Variants in PRKN observed in about 807,000 individuals in gnomAD.
PRKN encodes E3 ubiquitin-protein ligase parkin.
PRKN carries 56 observed loss-of-function variants against 59.5 expected under a neutral mutation model. The observed-to-expected ratio is 0.94, with a 90% CI of 0.76 to 1.18. The LOEUF (loss-of-function observed/expected upper bound fraction) is 1.18, where lower values mean the gene tolerates loss of function less well. Among genes scored for constraint, PRKN ranks in the 50% most tolerant of loss-of-function variants. PRKN has a pLI of 0.00. For synonymous variants in PRKN, 250 were observed against 222.1 expected (o/e 1.13, Z -1.12); for missense variants, 657 against 596.4 (o/e 1.10, Z -1.06).
chr6:161,871,761 C>G (rs1200105124), intron 6 of PRKN, among the ~76,000 whole-genome samples: 2 of 152,128 alleles, frequency 1.3e-5, no homozygotes, highest in African/African-American at 4.8e-5. Context: ...GATAGGAAAT[C>G]AAACATGGGT....
At chr6:162,583,111 C>T (rs191840667) in intron 1 of PRKN, among the ~76,000 whole-genome samples, 4 of 152,232 alleles carry the variant, frequency 2.6e-5, no homozygotes, top group East Asian at 3.9e-4. Flanking sequence ...GATCCCCTCG[C>T]TCAGGAGGAC....
At chr6:161,610,681 G>A (rs1341637113) in intron 7 of PRKN, among the ~76,000 whole-genome samples, 2 of 151,972 alleles carry the variant, frequency 1.3e-5, no homozygotes, top group Non-Finnish European at 2.9e-5. Context: ...AATAAACCAG[G>A]GAGGCAATGG....
chr6:162,528,470 C>A (rs75730395), intron 1 of PRKN, among the ~76,000 whole-genome samples: 2 of 152,078 alleles, frequency 1.3e-5, no homozygotes, highest in Non-Finnish European at 2.9e-5. Context: ...AAACTGCATT[C>A]AAGCCAAGAT....
In PRKN at chr6:162,130,014, C is replaced by T. The variant is rs576860446; in HGVS notation, c.534+71117G>A. 7.2e-5 allele frequency among the ~76,000 whole-genome samples: 11 copies of T among 152,286 alleles called. No homozygotes were observed. The South Asian group carries it at 2.1e-3, about 29-fold the overall frequency. On this transcript the variant is annotated intron_variant, in intron 4 of 11. Coordinates refer to ENST00000366898, the MANE Select transcript of PRKN (RefSeq NM_004562.3). ...TAGAATTGAGGAGTAGAGAATGAAGCTTGCTTCTCAATTAGCTTTGGAAAA... is the reference window on the plus strand; with the variant it reads ...TAGAATTGAGGAGTAGAGAATGAAGTTTGCTTCTCAATTAGCTTTGGAAAA...
chr6:162,414,762 T>G (rs938969642), intron 2 of PRKN, among the ~76,000 whole-genome samples: 1 of 142,350 alleles, frequency 7.0e-6, no homozygotes, highest in African/African-American at 2.7e-5. Flanking sequence ...ATGCTATCTA[T>G]GGATAGAATA....
intron 2 of PRKN, among the ~76,000 whole-genome samples, chr6:162,298,448 G>A (rs1478472594): frequency 6.6e-6 from 1 of 151,866 alleles, no homozygotes; most frequent in Non-Finnish European, 1.5e-5. Context: ...GTTTTCTTCA[G>A]CCTCCTATCT....
intron 1 of PRKN, among the ~76,000 whole-genome samples, chr6:162,526,092 C>T (rs1778270499): frequency 6.6e-6 from 1 of 152,094 alleles, no homozygotes; most frequent in African/African-American, 2.4e-5. Flanking sequence ...ATCCGCCTGC[C>T]TTGGCCTCCC....
chr6:162,441,816 T>G (rs983554426), intron 2 of PRKN, among the ~76,000 whole-genome samples: 1 of 152,180 alleles, frequency 6.6e-6, no homozygotes, highest in Non-Finnish European at 1.5e-5. Flanking sequence ...TCTGAAGCAA[T>G]TAGTCTAACT....
Position 161,461,203 on chromosome 6 carries a change from C to G in PRKN, c.1084-74326G>C, listed in dbSNP as rs1439962647. On this transcript the variant is annotated intron_variant, in intron 9 of 11. Transcript: ENST00000366898. This position sits in a 1 kb window ranked among gnomAD's most constrained non-coding sequence, Gnocchi z 5.1. ...TTGCTAGCCAGTGGCTCAGAGGAAG[C>G]AGCGGCCTGTGCAAAGGTCTGGAGG... Among the ~76,000 whole-genome samples, 4 of 152,218 alleles carry G rather than the reference C, an allele frequency of 2.6e-5. No homozygotes were observed. Among genetic ancestry groups the G allele is most frequent in the Non-Finnish European group, 5.9e-5 (4 of 68,054 alleles).
intron 6 of PRKN, among the ~76,000 whole-genome samples, chr6:161,820,130 C>G (rs1237985715): frequency 2.0e-5 from 3 of 151,964 alleles, no homozygotes; most frequent in African/African-American, 4.8e-5. Flanking sequence ...GTAATTTAAA[C>G]TTTTTTACCA....
chr6:162,048,745 A>C lies in PRKN; in HGVS notation c.618+5346T>G, dbSNP rs147558773. 1.3e-3 allele frequency among the ~76,000 whole-genome samples: 195 copies of C among 151,286 alleles called. 6 individuals carry two copies. In the East Asian group the frequency reaches 0.028, roughly 22 times the overall value. On this transcript the variant is annotated intron_variant, in intron 5 of 11. Coordinates refer to ENST00000366898, the MANE Select transcript of PRKN (RefSeq NM_004562.3). The stretch of plus-strand genomic sequence containing the variant: ...ACTAAAAAAAAAAAAAAAATCTCAT[A>C]AGAGAGTTTACAAATTTGTGTTGGG...
intron 1 of PRKN, among the ~76,000 whole-genome samples, chr6:162,627,095 C>T (rs1255225053): frequency 1.3e-5 from 2 of 152,152 alleles, no homozygotes; most frequent in African/African-American, 2.4e-5. Flanking sequence ...GATGCAACCA[C>T]ATAATCCTAT....
At chr6:162,331,166 T>TA (rs34916695) in intron 2 of PRKN, among the ~76,000 whole-genome samples, 11,200 of 141,442 alleles carry the variant, frequency 0.079, 1,299 homozygotes, top group African/African-American at 0.26. Flanking sequence ...CCATCTCTAT[T>TA]AAAAAAAAAA....
At chr6:161,615,899 T>C (rs938021262) in intron 7 of PRKN, among the ~76,000 whole-genome samples, 6 of 152,232 alleles carry the variant, frequency 3.9e-5, no homozygotes, top group African/African-American at 1.4e-4. Context: ...CTTTTTGTTA[T>C]GTGAGGAAAA....
At chr6:161,725,811 C>T (rs982896657) in intron 7 of PRKN, among the ~76,000 whole-genome samples, 3 of 152,180 alleles carry the variant, frequency 2.0e-5, no homozygotes, top group Admixed American at 2.0e-4. Flanking sequence ...GCAAAGATCC[C>T]AGTACCATGC....
chr6:162,460,652 C>T (rs1029175251), intron 1 of PRKN, among the ~76,000 whole-genome samples: 11 of 152,132 alleles, frequency 7.2e-5, no homozygotes, highest in African/African-American at 2.7e-4. Context: ...TTGGGATAAG[C>T]GGATGAATGA....
chr6:161,612,209 C>T (rs1782513559), intron 7 of PRKN, among the ~76,000 whole-genome samples: 1 of 152,206 alleles, frequency 6.6e-6, no homozygotes, highest in African/African-American at 2.4e-5. Context: ...TCCAGAAGAT[C>T]TAGCTAAGAT....
At chr6:162,350,964 T>C (rs576348766) in intron 2 of PRKN, among the ~76,000 whole-genome samples, 4 of 152,158 alleles carry the variant, frequency 2.6e-5, no homozygotes, top group African/African-American at 7.2e-5. Flanking sequence ...CATGCAGAAC[T>C]CAATGGTAAG....
intron 5 of PRKN, among the ~76,000 whole-genome samples, chr6:162,027,365 T>C (rs1783473902): frequency 6.6e-6 from 1 of 152,190 alleles, no homozygotes; most frequent in African/African-American, 2.4e-5. Flanking sequence ...ACCATCCTCA[T>C]AAAGTAACCA....
Sources: gnomAD v4.1 joint callset for allele counts (sites outside exome capture counted in the v4.1 genomes callset) on GRCh38, gnomAD v4.1.1 for gene constraint, Gnocchi (gnomAD v3.1) non-coding constraint, MANE v1.5 for transcripts, NCBI Gene and HGNC (gene_info 2026-07-23, HGNC 2026-07-21) for gene names.